ZBTB7C: variants seen among roughly 807,000 people sequenced by gnomAD.
ZBTB7C encodes zinc finger and BTB domain containing 7C.
A neutral mutation model predicts 25.7 loss-of-function variants in ZBTB7C; 8 were observed. The ratio of observed to expected loss-of-function variants is 0.31; its 90% CI spans 0.18 to 0.56. The LOEUF (loss-of-function observed/expected upper bound fraction) is 0.56, where lower values mean the gene tolerates loss of function less well. Ranked by LOEUF, ZBTB7C falls within the 20% of genes least tolerant of loss-of-function variation. The pLI, the probability that ZBTB7C is intolerant of heterozygous loss-of-function variation, is 0.91. For synonymous variants in ZBTB7C, 394 were observed against 369.0 expected, an observed-to-expected ratio of 1.07 and a Z score of -0.78; for missense variants, 824 against 855.2, an observed-to-expected ratio of 0.96 and a Z score of 0.46.
At chr18:48,313,729 C>T (rs1045597614) in intron 2 of ZBTB7C, among the ~76,000 whole-genome samples, 4 of 152,134 alleles carry the variant, frequency 2.6e-5, no homozygotes, top group African/African-American at 4.8e-5. Flanking sequence ...GATGTCATCC[C>T]GCTTGGACCC....
In ZBTB7C at chr18:48,402,266, A is replaced by G. The variant is rs2048177107; in HGVS notation, c.-304+6960T>C. On this transcript the variant is annotated intron_variant, in intron 1 of 4. Transcript: ENST00000590800. ...CCTCCTGCTCTCTTATTTTTAGGTA[A>G]AAAAAAAAAAAAAGGTTACTTAATG... Among the ~76,000 whole-genome samples, 3 of 120,738 alleles carry G rather than the reference A, an allele frequency of 2.5e-5. No homozygotes were observed. In the Admixed American group the frequency reaches 2.8e-4, roughly 11 times the overall value. The allele number at this position is 120,738 out of a possible 152,430, so 79.2% of individuals were successfully genotyped here. A position where few individuals can be genotyped will look rare whatever the true frequency, so the allele number is the denominator to read the frequency against.
chr18:48,053,858 G>A (rs9947181), intron 3 of ZBTB7C, among the ~76,000 whole-genome samples: 1 of 152,148 alleles, frequency 6.6e-6, no homozygotes, highest in Admixed American at 6.5e-5. Context: ...TCAGAGGACG[G>A]GGACTCTGCT....
intron 2 of ZBTB7C, among the ~76,000 whole-genome samples, chr18:48,202,561 C>T (rs952850199): frequency 2.0e-5 from 3 of 152,060 alleles, no homozygotes; most frequent in Non-Finnish European, 4.4e-5. Flanking sequence ...GCAAGCTAAA[C>T]ATGCAAAGGA....
intron 4 of ZBTB7C, among the ~76,000 whole-genome samples, chr18:48,038,208 C>G (rs923177329): frequency 6.6e-6 from 1 of 152,036 alleles, no homozygotes; most frequent in East Asian, 1.9e-4. Flanking sequence ...TCAGCATTGC[C>G]GGGTGGCTGG....
In ZBTB7C at chr18:48,323,771, A is replaced by G. The variant is rs549152481; in HGVS notation, c.-79+14403T>C. ...CAGTTCAGTTGTCAATGAGGTGTGC[A>G]GTTTACCCTCCAGTGAAGAGGCAGA... On this transcript the variant is annotated intron_variant, in intron 2 of 4. Coordinates refer to ENST00000590800, the MANE Select transcript of ZBTB7C (RefSeq NM_001318841.2). Among the ~76,000 whole-genome samples the G allele has an allele frequency of 9.2e-5, 14 of 152,270 alleles. No homozygotes were observed. In the South Asian group the frequency reaches 2.9e-3, roughly 32 times the overall value.
intron 1 of ZBTB7C, among the ~76,000 whole-genome samples, chr18:48,344,506 A>C (rs2046682029): frequency 6.6e-6 from 1 of 152,102 alleles, no homozygotes; most frequent in Non-Finnish European, 1.5e-5. Context: ...GGTGAGGGGA[A>C]GGGGAAAGGG....
chr18:48,378,813 T>C (rs2047577123), intron 1 of ZBTB7C, among the ~76,000 whole-genome samples: 1 of 152,120 alleles, frequency 6.6e-6, no homozygotes, highest in Non-Finnish European at 1.5e-5. Context: ...ATTAAAAATA[T>C]AATAAATGAA....
At chr18:48,172,691 C>T (rs1053791559) in intron 3 of ZBTB7C, among the ~76,000 whole-genome samples, 4 of 152,246 alleles carry the variant, frequency 2.6e-5, no homozygotes, top group South Asian at 2.1e-4. Flanking sequence ...GTTCCTTGGG[C>T]GGCCCCTCCC....
At chr18:48,142,576 A>G (rs1424105931) in intron 3 of ZBTB7C, among the ~76,000 whole-genome samples, 1 of 152,148 alleles carries the variant, frequency 6.6e-6, no homozygotes, top group Non-Finnish European at 1.5e-5. Context: ...CCCAGACTGT[A>G]TCAGGTAACA....
At chr18:48,317,012 C>T (rs1460996052) in intron 2 of ZBTB7C, among the ~76,000 whole-genome samples, 1 of 152,174 alleles carries the variant, frequency 6.6e-6, no homozygotes, top group Non-Finnish European at 1.5e-5. Flanking sequence ...GTGGCTCACG[C>T]CTGTAATCCC....
At chr18:48,049,556 T>C (rs2036604151) in intron 3 of ZBTB7C, among the ~76,000 whole-genome samples, 1 of 152,196 alleles carries the variant, frequency 6.6e-6, no homozygotes, top group Admixed American at 6.5e-5. Context: ...CAAAAGGCAG[T>C]GGGATGGCCC....
chr18:48,032,199 C>T (rs981022334), intron 4 of ZBTB7C, among the ~76,000 whole-genome samples: 7 of 151,910 alleles, frequency 4.6e-5, no homozygotes, highest in Admixed American at 4.6e-4. Context: ...CTGTAACCTC[C>T]GCTTCCCAGG....
At chr18:48,120,455 A>G (rs1279086309) in intron 3 of ZBTB7C, among the ~76,000 whole-genome samples, 3 of 152,094 alleles carry the variant, frequency 2.0e-5, no homozygotes, top group African/African-American at 7.2e-5. Context: ...GCAAAACCTT[A>G]TCTCTACCAA....
chr18:48,305,724 T>A (rs1027278288), intron 2 of ZBTB7C, among the ~76,000 whole-genome samples: 17 of 152,132 alleles, frequency 1.1e-4, no homozygotes, highest in African/African-American at 4.1e-4. Context: ...GGCTAAATAC[T>A]TCACCCTCCA....
In ZBTB7C at chr18:48,202,532, G is replaced by A. The variant is rs1048273253; in HGVS notation, c.-78-16537C>T. Among the ~76,000 whole-genome samples, 13 of 151,952 alleles carry A rather than the reference G, an allele frequency of 8.6e-5. No homozygotes were observed. The East Asian group carries it at 9.7e-4, about 11-fold the overall frequency. On this transcript the variant is annotated intron_variant, in intron 2 of 4. Coordinates refer to ENST00000590800, the MANE Select transcript of ZBTB7C (RefSeq NM_001318841.2). ...AGCTGGGCAGGGTCCTGGTGGCAGCGGGCTGCGAGGGTGGGTGTGCAAGCT... is the reference window on the plus strand; with the variant it reads ...AGCTGGGCAGGGTCCTGGTGGCAGCAGGCTGCGAGGGTGGGTGTGCAAGCT...
At chr18:48,032,328 G>T (rs1220071898) in intron 4 of ZBTB7C, among the ~76,000 whole-genome samples, 3 of 151,094 alleles carry the variant, frequency 2.0e-5, no homozygotes, top group Admixed American at 6.6e-5. Context: ...TGTTGGTCAG[G>T]CTGGTCTTGA....
chr18:48,253,923 T>C (rs2043943500), intron 2 of ZBTB7C, among the ~76,000 whole-genome samples: 1 of 152,162 alleles, frequency 6.6e-6, no homozygotes, highest in Non-Finnish European at 1.5e-5. Flanking sequence ...ATTGTTCCAA[T>C]AGGTAGGATC....
Position 48,041,072 on chromosome 18 carries a change from G to A in ZBTB7C, c.36C>T (p.Pro12=). The A allele has an allele frequency of 6.2e-7, 1 of 1,608,480 alleles. No individual in the cohort carries two copies. Among genetic ancestry groups the A allele is most frequent in the Non-Finnish European group, 8.5e-7 (1 of 1,175,902 alleles). ...ANDIDELIGI[P]FPNHSSEVLC... ...GGACCTCACTGCTGTGGTTGGGGAAGGGAATGCCAATGAGCTCATCAATGT... is the reference window on the plus strand; with the variant it reads ...GGACCTCACTGCTGTGGTTGGGGAAAGGAATGCCAATGAGCTCATCAATGT... Residue 12 remains proline (P), a synonymous_variant, in exon 4 of 5, where the codon CCC becomes CCT. Coordinates refer to ENST00000590800, the MANE Select transcript of ZBTB7C (RefSeq NM_001318841.2).
chr18:48,223,963 G>T (rs931882304), intron 2 of ZBTB7C, among the ~76,000 whole-genome samples: 10 of 152,158 alleles, frequency 6.6e-5, no homozygotes, highest in African/African-American at 2.4e-4. Context: ...CCTTTAAAAG[G>T]CCTTATAAAA....
Sources: allele counts gnomAD v4.1 joint callset (sites outside exome capture counted in the v4.1 genomes callset), GRCh38; gene constraint gnomAD v4.1.1; transcripts MANE v1.5; gene names NCBI Gene and HGNC (gene_info 2026-07-23, HGNC 2026-07-21).